Variants in TRAF5 observed in about 807,000 individuals in gnomAD.
TRAF5 encodes the protein TNF receptor-associated factor 5.
In TRAF5, 48 loss-of-function variants were observed where a neutral mutation model predicts 64.5. That is an observed-to-expected ratio of 0.74 (90% CI 0.59 to 0.95). The LOEUF is 0.95. Among genes scored for constraint, TRAF5 ranks in the 40% least tolerant of loss-of-function variants. TRAF5 has a pLI of 0.00. For missense variants in TRAF5, 545 were observed against 662.8 expected (o/e 0.82, Z 1.95); for synonymous variants, 206 against 240.5 (o/e 0.86, Z 1.33).
rs141585378 is a variant in TRAF5, at chr1:211,351,216, C to T, written c.-1-2023C>T. On this transcript the variant is annotated intron_variant, in intron 1 of 10. Transcript: ENST00000261464. ...TAATTTTTTGTATTTTTAGTAGAGA[C>T]GGGGTTTCACCGCGTTAGCCAGGAT... Among the ~76,000 whole-genome samples the T allele has an allele frequency of 3.2e-3, 485 of 151,940 alleles. 2 individuals carry two copies. Among genetic ancestry groups the T allele is most frequent in the African/African-American group, 0.011 (461 of 41,434 alleles).
rs574503758 is a variant in TRAF5, at chr1:211,336,665, T to C, written c.-2+9776T>C. Among the ~76,000 whole-genome samples the C allele has an allele frequency of 2.0e-5, 3 of 152,296 alleles. No individual in the cohort carries two copies. The South Asian group carries it at 6.2e-4, about 32-fold the overall frequency. On this transcript the variant is annotated intron_variant, in intron 1 of 10. Coordinates refer to ENST00000261464, the MANE Select transcript of TRAF5 (RefSeq NM_001033910.3). ...GCACTGTTTTGTTTGTCTGTTTGTT[T>C]TTGTTCTGTTTTGAGACGGAGTCTT...
At chr1:211,372,056 C>A (rs1703543149) in intron 10 of TRAF5, 72 bp from the exon 11 acceptor site, 24 of 1,365,640 alleles carry the variant, frequency 1.8e-5, no homozygotes, top group Non-Finnish European at 2.4e-5. Flanking sequence ...TAACAAAATT[C>A]CACTTTGGGA....
rs1025275040 is a variant in TRAF5 at position 211,374,488 on chromosome 1, C to T, written c.*1786C>T. 2 of 152,242 alleles carry T rather than the reference C, an allele frequency of 1.3e-5. No individual in the cohort carries two copies. The highest frequency in any genetic ancestry group is 4.8e-5 in the African/African-American group (2 of 41,460). The allele number at this position is 152,242 out of a possible 1,614,324, so 9.4% of individuals were successfully genotyped here. ...TGGGATTTTCAAAATGCTAAAGACT[C>T]ACACTGCAGCAATCATCCCAGATGA... On this transcript the variant is annotated 3_prime_UTR_variant, in exon 11 of 11. Coordinates refer to ENST00000261464, the MANE Select transcript of TRAF5 (RefSeq NM_001033910.3).
intron 1 of TRAF5, among the ~76,000 whole-genome samples, chr1:211,345,317 A>G (rs1260590881): frequency 6.6e-6 from 1 of 151,810 alleles, no homozygotes; most frequent in Non-Finnish European, 1.5e-5. Flanking sequence ...CGGCCTCTCA[A>G]AGTGTTGGGA....
chr1:211,339,647 C>A (rs1246054107), intron 1 of TRAF5, among the ~76,000 whole-genome samples: 1 of 152,164 alleles, frequency 6.6e-6, no homozygotes, highest in Non-Finnish European at 1.5e-5. Context: ...CCTTGAGTCC[C>A]AACAGCCTGA....
At chr1:211,371,132 G>A (rs1703507745) in intron 9 of TRAF5, among the ~76,000 whole-genome samples, 170 bp from the exon 10 acceptor site, 1 of 152,142 alleles carries the variant, frequency 6.6e-6, no homozygotes, top group Non-Finnish European at 1.5e-5. Context: ...AGATAATTAG[G>A]TGGCTCATCT....
chr1:211,334,864 A>G (rs111376567), intron 1 of TRAF5, among the ~76,000 whole-genome samples: 2,271 of 152,254 alleles, frequency 0.015, 33 homozygotes, highest in Middle Eastern at 0.027. Flanking sequence ...GCTTTCCTTC[A>G]TAATCTCATC....
chr1:211,353,484 G>GC (rs1373497970), intron 2 of TRAF5, 27 bp downstream of exon 2: 1 of 1,596,098 alleles, frequency 6.3e-7, no homozygotes, highest in African/African-American at 1.3e-5. Flanking sequence ...TGCAACTCTG[G>GC]CCATGGCAGT....
At chr1:211,345,720 G>A (rs1420915492) in intron 1 of TRAF5, among the ~76,000 whole-genome samples, 1 of 152,204 alleles carries the variant, frequency 6.6e-6, no homozygotes, top group Non-Finnish European at 1.5e-5. Flanking sequence ...CTGAGAAATG[G>A]ACAGTTTGCC....
At position 211,372,620 on chromosome 1, in the gene TRAF5, A is replaced by G; in HGVS notation, c.1592A>G (p.Glu531Gly). ...CPRFVAHSVLENAKNAYIKDD... is the reference protein window; with the variant it reads ...CPRFVAHSVLGNAKNAYIKDD... ...CGCTTTGTGGCTCATTCTGTTTTGG[A>G]GAATGCCAAGAACGCCTACATTAAA... Residue 531 changes from glutamate (E) to glycine (G), a missense_variant, in exon 11 of 11, where the codon GAG becomes GGG. Transcript: ENST00000261464. The G allele has an allele frequency of 6.2e-7, 1 of 1,614,138 alleles. No individual in the cohort carries two copies. The highest frequency in any genetic ancestry group is 8.5e-7 in the Non-Finnish European group (1 of 1,180,010).
chr1:211,329,128 A>G (rs1297049332), intron 1 of TRAF5, among the ~76,000 whole-genome samples: 2 of 152,208 alleles, frequency 1.3e-5, no homozygotes, highest in East Asian at 3.8e-4. Context: ...TGGCCTAACC[A>G]CCACAAGAAC....
At chr1:211,327,291 T>C (rs4443952) in intron 1 of TRAF5, among the ~76,000 whole-genome samples, 139,459 of 152,206 alleles carry the variant, frequency 0.92, 64,153 homozygotes, top group Middle Eastern at 0.98. Flanking sequence ...GTCCCGCACA[T>C]CCGCACTGCA....
rs920497260 is a variant in TRAF5, at chr1:211,336,382, C to T, written c.-2+9493C>T. Among the ~76,000 whole-genome samples the T allele has an allele frequency of 3.3e-5, 5 of 152,216 alleles. No individual in the cohort carries two copies. The East Asian group carries it at 7.7e-4, about 23-fold the overall frequency. On this transcript the variant is annotated intron_variant, in intron 1 of 10. Transcript: ENST00000261464. Reference sequence around the variant, plus strand: ...TGTGTCAGAGGGAGCGCTGCTCAGGCTTTACTCTTCCGGTCCTAGTTGGCT... The same window carrying T: ...TGTGTCAGAGGGAGCGCTGCTCAGGTTTTACTCTTCCGGTCCTAGTTGGCT...
At chr1:211,369,648 G>T in intron 9 of TRAF5, 56 bp downstream of exon 9, 1 of 1,465,410 alleles carries the variant, frequency 6.8e-7, no homozygotes, top group Non-Finnish European at 9.1e-7. Flanking sequence ...TGCAGTGAGA[G>T]TTTTTCTTTT....
rs112711952 is a variant in TRAF5, at chr1:211,338,899, T to C, written c.-2+12010T>C. On this transcript the variant is annotated intron_variant, in intron 1 of 10. Coordinates refer to ENST00000261464, the MANE Select transcript of TRAF5 (RefSeq NM_001033910.3). ...CTTGGCCTCCCATATTGTCCCATATTCTAGATGAGGAAGGGGTGACACAGG... is the reference window on the plus strand; with the variant it reads ...CTTGGCCTCCCATATTGTCCCATATCCTAGATGAGGAAGGGGTGACACAGG... Among the ~76,000 whole-genome samples the C allele has an allele frequency of 6.1e-3, 924 of 152,242 alleles. 4 individuals carry two copies. Among genetic ancestry groups the C allele is most frequent in the African/African-American group, 0.021 (869 of 41,520 alleles).
In TRAF5 at chr1:211,371,386, A is replaced by T; in HGVS notation, c.1015A>T (p.Lys339Ter). ...ACAAATGGTTAACCAGCAACAAAAT[A>T]AATTTGACCTGAGACCTTTGATGGA... Reference protein sequence around the residue: ...LLQMVNQQQNKFDLRPLMEAV... With the variant: ...LLQMVNQQQN Residue 339 changes from lysine (K) to a stop codon, truncating the protein, a stop_gained, in exon 10 of 11, where the codon AAA (lysine) becomes TAA (stop). Coordinates refer to ENST00000261464, the MANE Select transcript of TRAF5 (RefSeq NM_001033910.3). LOFTEE classifies it high-confidence loss of function. The T allele has an allele frequency of 6.2e-7, 1 of 1,612,154 alleles. No individual in the cohort carries two copies. The highest frequency in any genetic ancestry group is 8.5e-7 in the Non-Finnish European group (1 of 1,179,690).
intron 8 of TRAF5, chr1:211,368,818 AC>A (rs2102770392): frequency 6.6e-6 from 1 of 152,256 alleles, no homozygotes; most frequent in African/African-American, 2.4e-5. Flanking sequence ...TAAACTCTCT[AC>A]CTCTGTTTCC....
At chr1:211,345,517 C>A (rs1044171633) in intron 1 of TRAF5, among the ~76,000 whole-genome samples, 6 of 152,154 alleles carry the variant, frequency 3.9e-5, no homozygotes, top group African/African-American at 1.2e-4. Flanking sequence ...TCCAGAGACC[C>A]GTTGGGTCAC....
intron 6 of TRAF5, 134 bp downstream of exon 6, chr1:211,360,913 C>T: frequency 1.0e-6 from 1 of 981,738 alleles, no homozygotes; most frequent in Non-Finnish European, 1.5e-6. Context: ...ACGTATCTGT[C>T]TTCCCTTCTC....
Sources: gnomAD v4.1 joint callset for allele counts (sites outside exome capture counted in the v4.1 genomes callset) on GRCh38, gnomAD v4.1.1 for gene constraint, MANE v1.5 for transcripts, NCBI Gene and HGNC (gene_info 2026-07-23, HGNC 2026-07-21) for gene names.